Variants in DNAH1 observed in about 807,000 individuals in gnomAD.
DNAH1 encodes the protein axonemal beta dynein heavy chain 1.
A neutral mutation model predicts 484.3 loss-of-function variants in DNAH1; 327 were observed. That is an observed-to-expected ratio of 0.68 (90% CI 0.62 to 0.74). The LOEUF (loss-of-function observed/expected upper bound fraction) is 0.74. Ranked by LOEUF, DNAH1 falls within the 30% of genes least tolerant of loss-of-function variation. DNAH1 has a pLI of 0.00. For synonymous variants in DNAH1, 2,192 were observed against 2,191.9 expected (o/e 1.00, Z 0.00); for missense variants, 5,052 against 5,546.8 (o/e 0.91, Z 2.83).
chr3:52,380,844 A>C (rs1433319503), intron 48 of DNAH1, among the ~76,000 whole-genome samples: 2 of 152,230 alleles, frequency 1.3e-5, no homozygotes, highest in African/African-American at 2.4e-5. Context: ...CCCCCAAGCC[A>C]TCCCTAGATT....
At chr3:52,326,644 T>C (rs985685781) in intron 4 of DNAH1, 91 bp from the exon 5 acceptor site, 1 of 1,470,948 alleles carries the variant, frequency 6.8e-7, no homozygotes, top group Non-Finnish European at 9.2e-7. Flanking sequence ...CACACCCCTG[T>C]CCCCACAACC....
Position 52,381,764 on chromosome 3 carries a change from C to G in DNAH1, c.7733C>G (p.Ala2578Gly). The G allele has an allele frequency of 6.2e-7, 1 of 1,605,176 alleles. No individual in the cohort carries two copies. The highest frequency in any genetic ancestry group is 8.5e-7 in the Non-Finnish European group (1 of 1,176,636). The change falls in exon 49 of 78, where the codon GCG becomes GGG. Residue 2578 changes from alanine to glycine, a missense_variant. Coordinates refer to ENST00000420323, the MANE Select transcript of DNAH1 (RefSeq NM_015512.5). The surrounding 1 kb of genome is among the most constrained non-coding windows in gnomAD (Gnocchi z 4.1). ...CGCATCAGCCGCACCCTACGCCAGG[C>G]GCTGGGCAATGCACTCCTGCTGGGC... ...ICRISRTLRQALGNALLLGVG... is the reference protein window; with the variant it reads ...ICRISRTLRQGLGNALLLGVG...
Position 52,358,069 on chromosome 3 carries a change from C to T in DNAH1, c.4086+66C>T. 7.9e-7 allele frequency: 1 copy of T among 1,265,990 alleles called. No homozygotes were observed. Among genetic ancestry groups the T allele is most frequent in the Non-Finnish European group, 1.1e-6 (1 of 915,208 alleles). 78.4% of individuals were successfully genotyped at this position (1,265,990 alleles called of 1,614,324 possible). ...GCATCTTCCCAGGGAGAACGTCCCT[C>T]CCTTTGTGATGAGCCCTTTTAGCAG... is the stretch of plus-strand genomic sequence containing the variant. On this transcript the variant is annotated intron_variant, in intron 24 of 77. Transcript: ENST00000420323. This position sits in a 1 kb window ranked among gnomAD's most constrained non-coding sequence, Gnocchi z 4.2.
rs370575054 is a variant in DNAH1 at position 52,372,038 on chromosome 3, C to G, written c.6618C>G (p.Thr2206=). The change falls in exon 42 of 78, where the codon ACC becomes ACG. Residue 2206 remains threonine, a synonymous_variant. Coordinates refer to ENST00000420323, the MANE Select transcript of DNAH1 (RefSeq NM_015512.5). ...YCNIIVPTMD[T]VQMSHLLDML... ...ACATCATTGTGCCCACCATGGACAC[C>G]GTGCAGATGTCCCATTTACTGGACA... is the stretch of plus-strand genomic sequence containing the variant. 1.9e-6 allele frequency: 3 copies of G among 1,613,704 alleles called. No homozygotes were observed. The Admixed American group carries it at 5.0e-5, about 27-fold the overall frequency.
chr3:52,374,645 T>A, intron 44 of DNAH1: 1 of 1,475,390 alleles, frequency 6.8e-7, no homozygotes, highest in South Asian at 1.1e-5. Flanking sequence ...TCAGTGACAA[T>A]GCAGCGAAGA....
In DNAH1 at chr3:52,363,106, A is replaced by G. The variant is rs1440040713; in HGVS notation, c.5206A>G (p.Thr1736Ala). 11 of 1,613,868 alleles carry G rather than the reference A, an allele frequency of 6.8e-6. No individual in the cohort carries two copies. Among genetic ancestry groups the G allele is most frequent in the African/African-American group, 1.3e-5 (1 of 74,936 alleles). Residue 1736 changes from threonine to alanine, a missense_variant, in exon 32 of 78, where the codon ACC becomes GCC. Thr to Ala is a moderately conservative substitution (Grantham distance 58). Coordinates refer to ENST00000420323, the MANE Select transcript of DNAH1 (RefSeq NM_015512.5). ...EASVLAKKIT[T>A]TFKLSSEQLS... ...CAGTGTGCTGGCTAAGAAGATCACA[A>G]CCACCTTCAAGCTGTCTTCTGAGCA... is the stretch of plus-strand genomic sequence containing the variant.
In DNAH1 at chr3:52,395,241, TC is replaced by T. The variant is rs1248464026; in HGVS notation, c.10969-62del. On this transcript the variant is annotated intron_variant, in intron 68 of 77. Coordinates refer to ENST00000420323, the MANE Select transcript of DNAH1 (RefSeq NM_015512.5). This position sits in a 1 kb window ranked among gnomAD's most constrained non-coding sequence, Gnocchi z 4.4. Reference sequence around the variant, plus strand: ...TGGGGACCACTCTGAGAACCCCAGATCCCCCTCCCTTGCCCCGATCTCTCTG... The same window carrying T: ...TGGGGACCACTCTGAGAACCCCAGATCCCCTCCCTTGCCCCGATCTCTCTG... 1.3e-6 allele frequency: 2 copies of T among 1,553,786 alleles called. No individual in the cohort carries two copies. The highest frequency in any genetic ancestry group is 1.4e-5 in the African/African-American group (1 of 73,376).
At chr3:52,382,028 T>C (rs1485828368) in intron 49 of DNAH1, among the ~76,000 whole-genome samples, 192 bp downstream of exon 49, 4 of 152,114 alleles carry the variant, frequency 2.6e-5, no homozygotes, top group Non-Finnish European at 5.9e-5. Flanking sequence ...CCTGTGGTGC[T>C]GTAGGGAGGG....
chr3:52,357,307 G>A (rs1466139791), intron 22 of DNAH1, among the ~76,000 whole-genome samples: 1 of 152,148 alleles, frequency 6.6e-6, no homozygotes, highest in Admixed American at 6.5e-5. Flanking sequence ...ACCTGCCTCA[G>A]CCTCCCAAAG....
intron 26 of DNAH1, 60 bp from the exon 27 acceptor site, chr3:52,359,856 A>AG: frequency 1.3e-6 from 2 of 1,592,612 alleles, no homozygotes; most frequent in African/African-American, 2.7e-5. Flanking sequence ...CCTCTGTGAA[A>AG]GGGGAGGGTG....
chr3:52,350,254 G>T, intron 15 of DNAH1, 146 bp downstream of exon 15: 2 of 1,240,552 alleles, frequency 1.6e-6, no homozygotes, highest in South Asian at 1.5e-5. Context: ...GGTTTAGGGG[G>T]TTGTGAGCCG....
intron 14 of DNAH1, among the ~76,000 whole-genome samples, chr3:52,349,675 C>T (rs1284893626): frequency 1.3e-5 from 2 of 152,168 alleles, no homozygotes; most frequent in African/African-American, 2.4e-5. Flanking sequence ...GAAAGCCTCA[C>T]GAAGGACACC....
In DNAH1 at chr3:52,349,208, C is replaced by T; in HGVS notation, c.2314C>T (p.Gln772Ter). ...TGCTGTCCTCAGAACCTACCAGACG[C>T]AGGGCCTGTTGGCCCAGGAGGTGCG... The part of the protein sequence containing the change: ...IASFLKTYQT[Q>*]GLLAQEVREV... The change falls in exon 14 of 78, where the codon CAG becomes TAG. Residue 772 changes from glutamine (Q) to a stop codon, truncating the protein, a stop_gained. Transcript: ENST00000420323. LOFTEE classifies it high-confidence loss of function. The T allele has an allele frequency of 6.2e-7, 1 of 1,613,664 alleles. No individual in the cohort carries two copies. The highest frequency in any genetic ancestry group is 8.5e-7 in the Non-Finnish European group (1 of 1,179,692).
In DNAH1 at chr3:52,379,841, T is replaced by C; in HGVS notation, c.7378-64T>C. 1 of 1,414,264 alleles carries C rather than the reference T, an allele frequency of 7.1e-7. No homozygotes were observed. The highest frequency in any genetic ancestry group is 9.6e-7 in the Non-Finnish European group (1 of 1,040,604). 87.6% of individuals were successfully genotyped at this position (1,414,264 alleles called of 1,614,324 possible). On this transcript the variant is annotated intron_variant, in intron 47 of 77. Coordinates refer to ENST00000420323, the MANE Select transcript of DNAH1 (RefSeq NM_015512.5). This position sits in a 1 kb window ranked among gnomAD's most constrained non-coding sequence, Gnocchi z 4.4. ...CTGGGGCCCACCCTCCCTTGCCTGGTGGTTTGAGAGATAGCTGAGGGCTTG... is the reference window on the plus strand; with the variant it reads ...CTGGGGCCCACCCTCCCTTGCCTGGCGGTTTGAGAGATAGCTGAGGGCTTG...
chr3:52,352,243 A>C, intron 17 of DNAH1, 140 bp downstream of exon 17: 2 of 1,264,676 alleles, frequency 1.6e-6, no homozygotes, highest in Non-Finnish European at 1.1e-6. Context: ...TGAATGAATA[A>C]ATGGCTGAAA....
At chr3:52,390,050 G>C (rs1704305111) in intron 60 of DNAH1, among the ~76,000 whole-genome samples, 1 of 152,260 alleles carries the variant, frequency 6.6e-6, no homozygotes, top group Non-Finnish European at 1.5e-5. Flanking sequence ...GAACCCAGGA[G>C]GCGGGGGTTG....
At position 52,396,850 on chromosome 3, in the gene DNAH1, C is replaced by G. The variant is rs761786984; in HGVS notation, c.11611-18C>G. On this transcript the variant is annotated intron_variant, in intron 72 of 77. Transcript: ENST00000420323. ...GGGACTGGGCACTTAGGGGAGCCCT[C>G]ACCCACCCACCCCATAGGTCCTCAA... The G allele has an allele frequency of 3.1e-6, 5 of 1,609,772 alleles. No individual in the cohort carries two copies. Among genetic ancestry groups the G allele is most frequent in the Non-Finnish European group, 4.2e-6 (5 of 1,177,216 alleles).
chr3:52,365,664 C>G lies in DNAH1; in HGVS notation c.5518+645C>G, dbSNP rs530544793. ...CCCTCCAGCAGGTCCTTTGGTGGGC[C>G]TGCAGGAGGAGCTCCTCTGGGAAGC... On this transcript the variant is annotated intron_variant, in intron 34 of 77. Transcript: ENST00000420323. Among the ~76,000 whole-genome samples the G allele has an allele frequency of 5.3e-5, 8 of 152,264 alleles. No individual in the cohort carries two copies. The East Asian group carries it at 1.5e-3, about 29-fold the overall frequency.
chr3:52,371,341 C>T (rs1203762357), intron 41 of DNAH1, among the ~76,000 whole-genome samples: 5 of 152,238 alleles, frequency 3.3e-5, no homozygotes, highest in South Asian at 2.1e-4. Context: ...TACTGTGCAG[C>T]GTCCTGCTGG....
Sources: allele counts gnomAD v4.1 joint callset (sites outside exome capture counted in the v4.1 genomes callset), GRCh38; gene constraint gnomAD v4.1.1; non-coding constraint Gnocchi (gnomAD v3.1); transcripts MANE v1.5; gene names NCBI Gene and HGNC (gene_info 2026-07-23, HGNC 2026-07-21).